Variants in RTN4 observed in about 807,000 individuals in gnomAD.
RTN4 encodes reticulon 4, also known as reticulon-4.
RTN4 carries 32 observed loss-of-function variants against 90.4 expected under a neutral mutation model. The observed-to-expected ratio is 0.35, with a 90% CI of 0.27 to 0.48. The LOEUF (loss-of-function observed/expected upper bound fraction) is 0.48, where lower values mean the gene tolerates loss of function less well. RTN4 is among the 20% of genes least tolerant of loss of function. The pLI is 0.99. For synonymous variants in RTN4, 629 were observed against 552.5 expected (o/e 1.14, Z -1.94); for missense variants, 1,706 against 1,430.2 (o/e 1.19, Z -3.11).
chr2:55,053,056 G>C (rs868642872), upstream of RTN4, among the ~76,000 whole-genome samples: 1 of 152,106 alleles, frequency 6.6e-6, no homozygotes, highest in Admixed American at 6.5e-5. Context: ...ATAGGAAATA[G>C]CAGTTAATAT....
Position 55,026,321 on chromosome 2 carries a change from G to A in RTN4, c.1778C>T (p.Ala593Val). 1.9e-6 allele frequency: 3 copies of A among 1,613,960 alleles called. No individual in the cohort carries two copies. The highest frequency in any genetic ancestry group is 1.7e-6 in the Non-Finnish European group (2 of 1,179,910). Residue 593 changes from alanine to valine, a missense_variant, in exon 3 of 9, where the codon GCA (alanine) becomes GTA (valine). Physicochemically the swap from Ala to Val is moderately conservative, Grantham distance 64. Coordinates refer to ENST00000337526, the MANE Select transcript of RTN4 (RefSeq NM_020532.5). ...TTCAAATGATGGGCAAAGCTGTGCT[G>A]CAGGATAGAGTGACTCTTGCATAAC... ...SEVMQESLYPAAQLCPSFEES... is the reference protein window; with the variant it reads ...SEVMQESLYPVAQLCPSFEES...
At chr2:55,030,222 T>G (rs1217394611) in intron 1 of RTN4, among the ~76,000 whole-genome samples, 1 of 152,160 alleles carries the variant, frequency 6.6e-6, no homozygotes, top group Non-Finnish European at 1.5e-5. Context: ...TGTACTCTTA[T>G]TCCTACCTAG....
At chr2:54,982,788 A>T (rs1382116517) in intron 4 of RTN4, 135 bp from the exon 5 acceptor site, 1 of 919,688 alleles carries the variant, frequency 1.1e-6, no homozygotes, top group Non-Finnish European at 1.6e-6. Flanking sequence ...ATTAGGGGCA[A>T]TATAAAAACT....
At chr2:55,095,393 A>G (rs1669013559) in intron 1 of RTN4, among the ~76,000 whole-genome samples, 1 of 152,176 alleles carries the variant, frequency 6.6e-6, no homozygotes, top group Non-Finnish European at 1.5e-5. Context: ...TCTACCTTCA[A>G]TTAATTTTTG....
intron 3 of RTN4, among the ~76,000 whole-genome samples, chr2:54,994,751 G>C (rs1456078053): frequency 6.6e-6 from 1 of 152,112 alleles, no homozygotes; most frequent in Non-Finnish European, 1.5e-5. Context: ...CATCCATATT[G>C]GAAAGGAAGA....
chr2:55,119,280 T>C, the RTN4 span, among the ~76,000 whole-genome samples: 4 of 152,362 alleles, frequency 2.6e-5, no homozygotes, highest in South Asian at 6.2e-4. Context: ...TCTAAAGTTT[T>C]GTTTTCTACA....
At chr2:55,055,362 A>ATT (rs1056767145), upstream of RTN4, among the ~76,000 whole-genome samples, 10 of 152,116 alleles carry the variant, frequency 6.6e-5, no homozygotes, top group African/African-American at 2.4e-4. Flanking sequence ...ATAACTTATT[A>ATT]TTTTTAATAC....
chr2:55,003,491 AAT>A (rs1173687931), intron 3 of RTN4, among the ~76,000 whole-genome samples: 1 of 152,212 alleles, frequency 6.6e-6, no homozygotes, highest in Non-Finnish European at 1.5e-5. Context: ...CACACTCAGT[AAT>A]ATGTCAGCCT....
At chr2:55,135,570 C>T in the RTN4 span, among the ~76,000 whole-genome samples, 7 of 152,278 alleles carry the variant, frequency 4.6e-5, no homozygotes, top group Non-Finnish European at 8.8e-5. Context: ...AATCATTCTG[C>T]TTCTTTTTTT....
rs1347043701 is a variant in RTN4, at chr2:54,986,718, G to A, written c.3221+773C>T. On this transcript the variant is annotated intron_variant, in intron 4 of 8. Transcript: ENST00000337526. ...CATTTAAAAACGTGGTGAATTAGTC[G>A]TTGTCGGGCGTTGGTTGGGGAGTTG... Among the ~76,000 whole-genome samples the A allele has an allele frequency of 2.6e-5, 4 of 152,320 alleles. No individual in the cohort carries two copies. The East Asian group carries it at 7.7e-4, about 29-fold the overall frequency.
Position 54,997,320 on chromosome 2 carries a change from C to A in RTN4, c.3014-9622G>T, listed in dbSNP as rs574927493. ...ACCACAATGAGATACCACTTCATAC[C>A]CCCTAGGATGGCTATAATCAAAAAG... On this transcript the variant is annotated intron_variant, in intron 3 of 8. Transcript: ENST00000337526. Among the ~76,000 whole-genome samples, 10 of 152,082 alleles carry A rather than the reference C, an allele frequency of 6.6e-5. No individual in the cohort carries two copies. In the East Asian group the frequency reaches 1.5e-3, roughly 24 times the overall value.
At chr2:55,022,691 C>T (rs1681527816) in intron 3 of RTN4, among the ~76,000 whole-genome samples, 2 of 152,068 alleles carry the variant, frequency 1.3e-5, no homozygotes, top group African/African-American at 4.8e-5. Flanking sequence ...CCCAGTATTC[C>T]TCTCCACCCC....
At position 55,030,149 on chromosome 2, in the gene RTN4, T is replaced by C. The variant is rs113645069; in HGVS notation, c.557-1929A>G. 5.4e-3 allele frequency among the ~76,000 whole-genome samples: 815 copies of C among 152,230 alleles called. 5 individuals carry two copies. Among genetic ancestry groups the C allele is most frequent in the African/African-American group, 0.018 (754 of 41,568 alleles). Reference sequence around the variant, plus strand: ...CTAGAAACATATATTACTGTTAAAGTTAGTGGGAAAACAAACTACATCTAA... The same window carrying C: ...CTAGAAACATATATTACTGTTAAAGCTAGTGGGAAAACAAACTACATCTAA... On this transcript the variant is annotated intron_variant, in intron 1 of 8. Coordinates refer to ENST00000337526, the MANE Select transcript of RTN4 (RefSeq NM_020532.5).
At chr2:55,083,128 C>T (rs1203223929) in intron 1 of RTN4, among the ~76,000 whole-genome samples, 2 of 152,150 alleles carry the variant, frequency 1.3e-5, no homozygotes, top group East Asian at 3.8e-4. Flanking sequence ...GTTGGATATG[C>T]AGCCATTAAA....
intron 1 of RTN4, among the ~76,000 whole-genome samples, chr2:55,032,067 C>T (rs865856850): frequency 1.3e-5 from 2 of 151,328 alleles, no homozygotes; most frequent in East Asian, 1.9e-4. Flanking sequence ...AAACAAATAA[C>T]GTAGACGTTG....
intron 1 of RTN4, among the ~76,000 whole-genome samples, chr2:55,111,640 G>C (rs994982450): frequency 3.9e-5 from 6 of 152,120 alleles, no homozygotes; most frequent in African/African-American, 7.2e-5. Flanking sequence ...CCACTCAGGA[G>C]GGTGTTTGGG....
the RTN4 span, among the ~76,000 whole-genome samples, chr2:55,130,125 G>A: frequency 1.3e-5 from 2 of 152,208 alleles, no homozygotes; most frequent in South Asian, 4.1e-4. Flanking sequence ...TAAAGGCATG[G>A]CTTAATAAGT....
At chr2:55,007,018 G>C (rs1195568500) in intron 3 of RTN4, among the ~76,000 whole-genome samples, 1 of 152,060 alleles carries the variant, frequency 6.6e-6, no homozygotes, top group African/African-American at 2.4e-5. Context: ...GAGCTTCCGA[G>C]ATGTTCTATC....
intron 2 of RTN4, among the ~76,000 whole-genome samples, chr2:55,072,244 T>G (rs922003887): frequency 2.0e-5 from 3 of 152,118 alleles, no homozygotes; most frequent in Admixed American, 6.5e-5. Flanking sequence ...TTCTTTTTTT[T>G]TTTGAGGCAG....
Sources: gnomAD v4.1 joint callset for allele counts (sites outside exome capture counted in the v4.1 genomes callset) on GRCh38, gnomAD v4.1.1 for gene constraint, MANE v1.5 for transcripts, NCBI Gene and HGNC (gene_info 2026-07-23, HGNC 2026-07-21) for gene names.